Variants in PRKACA observed in about 807,000 individuals in gnomAD.
PRKACA encodes protein kinase cAMP-activated catalytic subunit alpha.
A neutral mutation model predicts 45.8 loss-of-function variants in PRKACA; 9 were observed. The ratio of observed to expected loss-of-function variants is 0.20; its 90% CI spans 0.12 to 0.34. The LOEUF is 0.34. Among genes scored for constraint, PRKACA ranks in the 10% least tolerant of loss-of-function variants. PRKACA has a pLI of 1.00. For synonymous variants in PRKACA, 160 were observed against 178.6 expected (o/e 0.90, Z 0.83); for missense variants, 238 against 458.6 (o/e 0.52, Z 4.39).
chr19:14,116,225 GACA>G (rs879456427), intron 1 of PRKACA, among the ~76,000 whole-genome samples: 50 of 152,278 alleles, frequency 3.3e-4, no homozygotes, highest in African/African-American at 1.2e-3. Flanking sequence ...AGACTGGAGT[GACA>G]ACAATTTAAG....
At chr19:14,114,333 A>C in intron 1 of PRKACA, 2 of 758,458 alleles carry the variant, frequency 2.6e-6, no homozygotes, top group Non-Finnish European at 4.3e-6. Flanking sequence ...GAGGAGGGAC[A>C]GATAGGGCCC....
rs1599330115 is a variant in PRKACA at position 14,092,122 on chromosome 19, C to T, written c.*990G>A. 4 of 152,458 alleles carry T rather than the reference C, an allele frequency of 2.6e-5. 1 individual carries two copies. In the South Asian group the frequency reaches 6.2e-4, roughly 24 times the overall value. 9.4% of individuals were successfully genotyped at this position (152,458 alleles called of 1,614,324 possible). ...TTCTGTTCCCTTTTGCAGGGATGCCCTCCCCACTCAGCTGAGGGAAGGCTG... is the reference window on the plus strand; with the variant it reads ...TTCTGTTCCCTTTTGCAGGGATGCCTTCCCCACTCAGCTGAGGGAAGGCTG... On this transcript the variant is annotated 3_prime_UTR_variant, in exon 10 of 10. Coordinates refer to ENST00000308677, the MANE Select transcript of PRKACA (RefSeq NM_002730.4).
intron 1 of PRKACA, 82 bp downstream of exon 1, chr19:14,117,420 A>G: frequency 1.7e-6 from 2 of 1,206,136 alleles, no homozygotes; most frequent in South Asian, 3.6e-5. Flanking sequence ...GGGGCCCCGT[A>G]GGGGGAGGGG....
At chr19:14,113,167 G>A (rs569954567) in intron 1 of PRKACA, among the ~76,000 whole-genome samples, 10 of 152,082 alleles carry the variant, frequency 6.6e-5, no homozygotes, top group Admixed American at 2.6e-4. Flanking sequence ...CTCTACTCTC[G>A]GCCATGAAAG....
intron 8 of PRKACA, among the ~76,000 whole-genome samples, chr19:14,095,359 C>T (rs1422540378): frequency 6.6e-6 from 1 of 151,728 alleles, no homozygotes; most frequent in African/African-American, 2.4e-5. Context: ...TTAGTAGAGA[C>T]GGGGTTTCAC....
In PRKACA at chr19:14,096,246, A is replaced by G. The variant is rs574562270; in HGVS notation, c.765+1115T>C. On this transcript the variant is annotated intron_variant, in intron 8 of 9. Coordinates refer to ENST00000308677, the MANE Select transcript of PRKACA (RefSeq NM_002730.4). ...TTTTTAGTAGAGACGGAGTTTCACC[A>G]TGTTAGTCAGGCTGGTCTCGAACTC... 4 of 150,834 alleles carry G rather than the reference A, an allele frequency of 2.7e-5. No homozygotes were observed. In the South Asian group the frequency reaches 8.4e-4, roughly 32 times the overall value. 9.3% of individuals were successfully genotyped at this position (150,834 alleles called of 1,614,324 possible).
At chr19:14,107,026 G>T in intron 2 of PRKACA, 138 bp from the exon 3 acceptor site, 1 of 1,134,246 alleles carries the variant, frequency 8.8e-7, no homozygotes, top group Non-Finnish European at 1.2e-6. Flanking sequence ...GACAGGGGGC[G>T]GAAAATCAAG....
At chr19:14,111,430 A>T (rs1374722754) in intron 1 of PRKACA, among the ~76,000 whole-genome samples, 1 of 151,540 alleles carries the variant, frequency 6.6e-6, no homozygotes, top group Non-Finnish European at 1.5e-5. Flanking sequence ...TAGATGGCAG[A>T]TGGAGAGAGA....
At chr19:14,114,326 G>A in intron 1 of PRKACA, 6 of 825,544 alleles carry the variant, frequency 7.3e-6, no homozygotes, top group Admixed American at 2.3e-5. Flanking sequence ...GGGTGTGGAG[G>A]AGGGACAGAT....
intron 1 of PRKACA, among the ~76,000 whole-genome samples, chr19:14,114,816 C>T (rs1366895547): frequency 6.6e-6 from 1 of 152,206 alleles, no homozygotes; most frequent in African/African-American, 2.4e-5. Flanking sequence ...TTCTGGATCC[C>T]TGGCCTCTTG....
Position 14,093,226 on chromosome 19 carries a change from G to A in PRKACA, c.942C>T (p.Pro314=), listed in dbSNP as rs145797642. Residue 314 remains proline, a synonymous_variant, in exon 10 of 10, where the codon CCC becomes CCT. Coordinates refer to ENST00000308677, the MANE Select transcript of PRKACA (RefSeq NM_002730.4). Reference sequence around the variant, plus strand: ...CAGGGCCTTTAAACTTTGGTATGAAGGGAGCTTCCACCTGGAGAGGGATCA... The same window carrying A: ...CAGGGCCTTTAAACTTTGGTATGAAAGGAGCTTCCACCTGGAGAGGGATCA... The part of the protein sequence containing the change: ...IAIYQRKVEA[P]FIPKFKGPGD... 18 of 1,613,368 alleles carry A rather than the reference G, an allele frequency of 1.1e-5. No individual in the cohort carries two copies. Among genetic ancestry groups the A allele is most frequent in the African/African-American group, 8.0e-5 (6 of 74,850 alleles).
intron 1 of PRKACA, among the ~76,000 whole-genome samples, chr19:14,109,740 C>A (rs1171831674): frequency 1.3e-5 from 2 of 151,070 alleles, no homozygotes; most frequent in East Asian, 1.9e-4. Context: ...GAGTTTGAAA[C>A]CAGCCTGGCC....
chr19:14,110,934 G>A (rs1452666151), intron 1 of PRKACA, among the ~76,000 whole-genome samples: 2 of 152,234 alleles, frequency 1.3e-5, no homozygotes, highest in Non-Finnish European at 1.5e-5. Context: ...TCAACCCCCT[G>A]ATGTTCCTGG....
intron 1 of PRKACA, among the ~76,000 whole-genome samples, chr19:14,113,576 C>T (rs1343411173): frequency 6.6e-6 from 1 of 152,220 alleles, no homozygotes; most frequent in Non-Finnish European, 1.5e-5. Context: ...CTTGGGGTCT[C>T]TCTCGGAAGG....
intron 1 of PRKACA, among the ~76,000 whole-genome samples, chr19:14,110,520 C>T (rs747818851): frequency 7.3e-5 from 11 of 151,650 alleles, no homozygotes; most frequent in Admixed American, 5.9e-4. Flanking sequence ...TGCAGTGAGC[C>T]GTGACTGAGC....
At chr19:14,106,651 A>T (rs1977614197) in intron 3 of PRKACA, 109 bp downstream of exon 3, 1 of 1,473,692 alleles carries the variant, frequency 6.8e-7, no homozygotes, top group Admixed American at 1.9e-5. Context: ...GAGACTCTGA[A>T]TCAAAAAAAA....
At chr19:14,116,965 G>A (rs527739003) in intron 1 of PRKACA, among the ~76,000 whole-genome samples, 2 of 151,310 alleles carry the variant, frequency 1.3e-5, no homozygotes, top group African/African-American at 2.4e-5. Flanking sequence ...GGTTTGGAAG[G>A]GGGGGCTGTG....
Position 14,092,331 on chromosome 19 carries a change from AAGAG to A in PRKACA, c.*777_*780del, listed in dbSNP as rs536003350. 3 of 281,198 alleles carry A rather than the reference AAGAG, an allele frequency of 1.1e-5. No individual in the cohort carries two copies. Among genetic ancestry groups the A allele is most frequent in the Non-Finnish European group, 1.3e-5 (2 of 151,110 alleles). 17.4% of individuals were successfully genotyped at this position (281,198 alleles called of 1,614,324 possible). A position where few individuals can be genotyped will look rare whatever the true frequency, so the allele number is the denominator to read the frequency against. On this transcript the variant is annotated 3_prime_UTR_variant, in exon 10 of 10. Coordinates refer to ENST00000308677, the MANE Select transcript of PRKACA (RefSeq NM_002730.4). ...GGTGAAGACAGGTCTGTTGGGGAAAAAGAGAGCGGAGGCTTCCTAAAGGGGCCTA... is the reference window on the plus strand; with the variant it reads ...GGTGAAGACAGGTCTGTTGGGGAAAAAGCGGAGGCTTCCTAAAGGGGCCTA...
intron 9 of PRKACA, 140 bp from the exon 10 acceptor site, chr19:14,093,377 T>G: frequency 8.1e-7 from 1 of 1,232,118 alleles, no homozygotes; most frequent in Non-Finnish European, 1.1e-6. Context: ...GGATTCCTCT[T>G]AACAGCCCGA....
Sources: allele counts gnomAD v4.1 joint callset (sites outside exome capture counted in the v4.1 genomes callset), GRCh38; gene constraint gnomAD v4.1.1; transcripts MANE v1.5; gene names NCBI Gene and HGNC (gene_info 2026-07-23, HGNC 2026-07-21).